MYO1A: variants seen among roughly 807,000 people sequenced by gnomAD.
MYO1A encodes the protein unconventional myosin-Ia.
A neutral mutation model predicts 138.5 loss-of-function variants in MYO1A; 127 were observed. That is an observed-to-expected ratio of 0.92 (90% CI 0.79 to 1.06). The LOEUF (loss-of-function observed/expected upper bound fraction) is 1.06. Among genes scored for constraint, MYO1A ranks in the 50% least tolerant of loss-of-function variants. The pLI, the probability that MYO1A is intolerant of heterozygous loss-of-function variation, is 0.00. For synonymous variants in MYO1A, 477 were observed against 497.5 expected (o/e 0.96, Z 0.55); for missense variants, 1,211 against 1,288.8 (o/e 0.94, Z 0.92).
chr12:57,036,917 AG>A, intron 20 of MYO1A, 24 bp downstream of exon 20: 1 of 1,614,196 alleles, frequency 6.2e-7, no homozygotes, highest in Non-Finnish European at 8.5e-7. Flanking sequence ...GAGTGAACAG[AG>A]TGGGACTTTG....
chr12:57,048,222 G>T lies in MYO1A; in HGVS notation c.102C>A (p.Asn34Lys), dbSNP rs1241951480. Residue 34 changes from asparagine (N) to lysine (K), a missense_variant, in exon 2 of 28, where the codon AAC (asparagine) becomes AAA (lysine). Coordinates refer to ENST00000300119, the MANE Select transcript of MYO1A (RefSeq NM_005379.4). ...ATATGACACTCACATAAATCTCCTT[G>T]TTTTCATAGCGAAGCTGAAGATTCT... Reference protein sequence around the residue: ...LLKNLQLRYENKEIYTYIGNV... With the variant: ...LLKNLQLRYEKKEIYTYIGNV... The T allele has an allele frequency of 2.5e-6, 4 of 1,613,982 alleles. No homozygotes were observed. Among genetic ancestry groups the T allele is most frequent in the Middle Eastern group, 1.6e-4 (1 of 6,062 alleles).
chr12:57,041,300 A>G lies in MYO1A; in HGVS notation c.1165-12T>C. On this transcript the variant is annotated splice_polypyrimidine_tract_variant and intron_variant, in intron 13 of 27. Transcript: ENST00000300119. Reference sequence around the variant, plus strand: ...TCAAAGCTATTATCCTGAGAGAGGGAGCACAGGTTAGAGAGCTCACTCCAA... The same window carrying G: ...TCAAAGCTATTATCCTGAGAGAGGGGGCACAGGTTAGAGAGCTCACTCCAA... The G allele has an allele frequency of 6.2e-7, 1 of 1,611,396 alleles. No homozygotes were observed. Among genetic ancestry groups the G allele is most frequent in the Non-Finnish European group, 8.5e-7 (1 of 1,177,526 alleles).
Position 57,044,120 on chromosome 12 carries a change from A to G in MYO1A, c.730T>C (p.Phe244Leu). The change falls in exon 9 of 28, where the codon TTC becomes CTC. Residue 244 changes from phenylalanine (F) to leucine (L), a missense_variant. By Grantham distance (22) the Phe-to-Leu change is conservative. Transcript: ENST00000300119. ...RVDGMDDASS[F>L]RAVQSAMAVI... Reference sequence around the variant, plus strand: ...TGGGCACCCACCTGTACAGCCCTGAAGCTGGAGGCGTCGTCCATGCCATCC... The same window carrying G: ...TGGGCACCCACCTGTACAGCCCTGAGGCTGGAGGCGTCGTCCATGCCATCC... The G allele has an allele frequency of 6.2e-7, 1 of 1,614,216 alleles. No individual in the cohort carries two copies. Among genetic ancestry groups the G allele is most frequent in the Non-Finnish European group, 8.5e-7 (1 of 1,180,032 alleles).
At chr12:57,038,199 TC>T in intron 17 of MYO1A, 130 bp from the exon 18 acceptor site, 1 of 1,182,950 alleles carries the variant, frequency 8.5e-7, no homozygotes, top group Non-Finnish European at 1.2e-6. Flanking sequence ...CACACTGGCC[TC>T]CCCAGTTTCA....
Position 57,046,040 on chromosome 12 carries a change from A to C in MYO1A, c.640+512T>G, listed in dbSNP as rs181234266. On this transcript the variant is annotated intron_variant, in intron 8 of 27. Transcript: ENST00000300119. ...ATAGGTGTTCAAGAGATGTTGAATG[A>C]ATGAATAAATGAATGAGTGAATGAA... Among the ~76,000 whole-genome samples, 20 of 152,348 alleles carry C rather than the reference A, an allele frequency of 1.3e-4. No homozygotes were observed. In the East Asian group the frequency reaches 3.9e-3, roughly 29 times the overall value.
intron 10 of MYO1A, 25 bp from the exon 11 acceptor site, chr12:57,043,383 T>C: frequency 6.2e-7 from 1 of 1,606,180 alleles, no homozygotes; most frequent in Non-Finnish European, 8.5e-7. Context: ...AAGTACAGCA[T>C]GTCCTTAGAG....
intron 14 of MYO1A, 159 bp from the exon 15 acceptor site, chr12:57,039,433 C>A (rs1565644677): frequency 1.5e-6 from 1 of 682,328 alleles, no homozygotes; most frequent in Non-Finnish European, 2.7e-6. Flanking sequence ...CCCATCCCTC[C>A]AAGGTTGGTG....
Position 57,031,121 on chromosome 12 carries a change from T to C in MYO1A, c.2403A>G (p.Leu801=), listed in dbSNP as rs753002742. 6.2e-7 allele frequency: 1 copy of C among 1,614,180 alleles called. No homozygotes were observed. Among genetic ancestry groups the C allele is most frequent in the African/African-American group, 1.3e-5 (1 of 75,038 alleles). The change falls in exon 23 of 28, where the codon TTA becomes TTG. Residue 801 remains leucine, a synonymous_variant. Transcript: ENST00000300119. ...LKNNLPSTNV[L]DKTWPAAPYK... is the part of the protein sequence containing the mutation. ...AGGGGGCGGCTGGCCATGTCTTGTC[T>C]AAGACGTTTGTGGATGGCAAATTGT...
intron 24 of MYO1A, 113 bp from the exon 25 acceptor site, chr12:57,029,985 G>A: frequency 6.5e-7 from 1 of 1,535,932 alleles, no homozygotes; most frequent in Non-Finnish European, 9.0e-7. Flanking sequence ...CGTATCCTCT[G>A]TCAGTGTCCA....
chr12:57,037,824 C>A, intron 18 of MYO1A, 45 bp downstream of exon 18: 1 of 1,602,880 alleles, frequency 6.2e-7, no homozygotes, highest in Non-Finnish European at 8.5e-7. Context: ...GAGATGTTTC[C>A]TGCACTGCCC....
intron 12 of MYO1A, among the ~76,000 whole-genome samples, chr12:57,042,171 T>C (rs1300995306): frequency 1.3e-5 from 2 of 152,222 alleles, no homozygotes; most frequent in Admixed American, 6.5e-5. Flanking sequence ...TTGGCATTCA[T>C]TGATCTACTT....
chr12:57,047,292 A>G lies in MYO1A; in HGVS notation c.430+11T>C. 1 of 1,609,980 alleles carries G rather than the reference A, an allele frequency of 6.2e-7. No homozygotes were observed. Among genetic ancestry groups the G allele is most frequent in the Non-Finnish European group, 8.5e-7 (1 of 1,176,174 alleles). The stretch of plus-strand genomic sequence containing the variant: ...ATGGAGGGTGGAGAGGGCAGAGAGC[A>G]GAATTCTCACCCTCCAGCACTGGGT... On this transcript the variant is annotated intron_variant, in intron 5 of 27. Coordinates refer to ENST00000300119, the MANE Select transcript of MYO1A (RefSeq NM_005379.4).
At chr12:57,031,288 C>G in intron 22 of MYO1A, 114 bp from the exon 23 acceptor site, 1 of 1,325,658 alleles carries the variant, frequency 7.5e-7, no homozygotes, top group Non-Finnish European at 1.1e-6. Context: ...CAGTGAGAAG[C>G]AAGGGGTGGA....
rs764190058 is a variant in MYO1A, at chr12:57,029,459, C to A, written c.2853G>T (p.Gly951=). The part of the protein sequence containing the change: ...AGVSVTSLKD[G]LFSLHLSEMS... Reference sequence around the variant, plus strand: ...CCTCACTCAGATGCAAGCTAAAGAGCCCATCCTTGAGGCTGGTGACTGACA... The same window carrying A: ...CCTCACTCAGATGCAAGCTAAAGAGACCATCCTTGAGGCTGGTGACTGACA... Residue 951 remains glycine, a synonymous_variant, in exon 26 of 28, where the codon GGG becomes GGT. Transcript: ENST00000300119. 1 of 1,614,192 alleles carries A rather than the reference C, an allele frequency of 6.2e-7. No homozygotes were observed. Among genetic ancestry groups the A allele is most frequent in the Non-Finnish European group, 8.5e-7 (1 of 1,180,038 alleles).
intron 14 of MYO1A, 88 bp from the exon 15 acceptor site, chr12:57,039,362 C>T (rs1208334939): frequency 9.3e-6 from 9 of 972,910 alleles, no homozygotes; most frequent in East Asian, 2.4e-5. Flanking sequence ...ACCCACCCAA[C>T]AAAGGACATC....
At chr12:57,041,750 A>G (rs550911127) in intron 12 of MYO1A, among the ~76,000 whole-genome samples, 9 of 152,322 alleles carry the variant, frequency 5.9e-5, no homozygotes, top group Admixed American at 5.2e-4. Context: ...GTAGAAAGAC[A>G]ATAAAACCTC....
At chr12:57,030,350 A>C in intron 23 of MYO1A, 34 bp from the exon 24 acceptor site, 9 of 1,272,888 alleles carry the variant, frequency 7.1e-6, no homozygotes, top group Non-Finnish European at 1.0e-5. Context: ...CTAAAATCAT[A>C]GAGTGGGAGG....
chr12:57,028,946 G>C (rs2030118257), intron 27 of MYO1A, 65 bp from the exon 28 acceptor site: 14 of 1,601,206 alleles, frequency 8.7e-6, no homozygotes, highest in South Asian at 3.3e-5. Flanking sequence ...GCATTTCCAT[G>C]ATGGCCCCCC....
chr12:57,043,120 G>A lies in MYO1A; in HGVS notation c.1050C>T (p.Tyr350=). ...TCACTATCCAGTCAAAGAGGCGGCT[G>A]TAGATGTTCTTAGCCAGGGCGTCCC... ...YARDALAKNI[Y]SRLFDWIVNR... Residue 350 remains tyrosine (Y), a synonymous_variant, in exon 12 of 28, where the codon TAC becomes TAT. Coordinates refer to ENST00000300119, the MANE Select transcript of MYO1A (RefSeq NM_005379.4). 1 of 1,614,204 alleles carries A rather than the reference G, an allele frequency of 6.2e-7. No individual in the cohort carries two copies. The highest frequency in any genetic ancestry group is 8.5e-7 in the Non-Finnish European group (1 of 1,180,036).
Sources: gnomAD v4.1 joint callset for allele counts (sites outside exome capture counted in the v4.1 genomes callset) on GRCh38, gnomAD v4.1.1 for gene constraint, MANE v1.5 for transcripts, NCBI Gene and HGNC (gene_info 2026-07-23, HGNC 2026-07-21) for gene names.